Variants in GRID2 observed in about 807,000 individuals in gnomAD.
The protein encoded by GRID2 is glutamate ionotropic receptor delta type subunit 2, also known as glutamate receptor ionotropic, delta-2.
GRID2 carries 33 observed loss-of-function variants against 114.8 expected under a neutral mutation model. The observed-to-expected ratio is 0.29, with a 90% CI of 0.22 to 0.38. The LOEUF (loss-of-function observed/expected upper bound fraction) is 0.38. GRID2 is among the 10% of genes least tolerant of loss of function. The probability of loss-of-function intolerance (pLI) is 1.00; values close to 1 mark genes in which losing one functional copy is unlikely to be tolerated. For synonymous variants in GRID2, 505 were observed against 449.9 expected (o/e 1.12, Z -1.55); for missense variants, 1,184 against 1,257.7 (o/e 0.94, Z 0.89).
intron 2 of GRID2, among the ~76,000 whole-genome samples, chr4:92,734,560 A>C (rs535411048): frequency 7.2e-5 from 11 of 152,246 alleles, no homozygotes; most frequent in African/African-American, 2.2e-4. Context: ...CTGGGATTAC[A>C]GGCATGAACC....
At chr4:92,530,060 T>G (rs2149149184) in intron 1 of GRID2, among the ~76,000 whole-genome samples, 1 of 151,252 alleles carries the variant, frequency 6.6e-6, no homozygotes, top group South Asian at 2.1e-4. Flanking sequence ...TTTTTTTTTT[T>G]GAATAAATAA....
intron 11 of GRID2, among the ~76,000 whole-genome samples, chr4:93,482,463 A>ATAAGTTCT (rs1560666576): frequency 6.6e-6 from 1 of 151,948 alleles, no homozygotes; most frequent in Non-Finnish European, 1.5e-5. Flanking sequence ...ACATGTTCTC[A>ATAAGTTCT]CTCATAAGTG....
intron 2 of GRID2, among the ~76,000 whole-genome samples, chr4:92,740,365 G>A (rs1736813575): frequency 6.6e-6 from 1 of 152,138 alleles, no homozygotes. Context: ...GTTTCTTCAT[G>A]CATGTCAGTG....
At chr4:93,076,070 T>C (rs1729263151) in intron 2 of GRID2, among the ~76,000 whole-genome samples, 2 of 151,782 alleles carry the variant, frequency 1.3e-5, no homozygotes, top group African/African-American at 2.4e-5. Context: ...CGCCAGCTAA[T>C]TTTTTGTATT....
intron 2 of GRID2, among the ~76,000 whole-genome samples, chr4:92,659,881 G>C (rs1732438312): frequency 6.6e-6 from 1 of 151,428 alleles, no homozygotes; most frequent in East Asian, 1.9e-4. Flanking sequence ...TTTTTCTTTA[G>C]TTAGTACATT....
At chr4:93,702,557 T>C (rs1727606957) in intron 14 of GRID2, among the ~76,000 whole-genome samples, 1 of 152,116 alleles carries the variant, frequency 6.6e-6, no homozygotes, top group African/African-American at 2.4e-5. Context: ...ATTGTACATA[T>C]CTCCTTTGGC....
intron 9 of GRID2, among the ~76,000 whole-genome samples, chr4:93,405,313 C>T (rs1227920767): frequency 6.6e-6 from 1 of 152,130 alleles, no homozygotes; most frequent in Non-Finnish European, 1.5e-5. Context: ...AATAAAATCA[C>T]CATAAGAATT....
chr4:92,866,836 C>A (rs1417944222), intron 2 of GRID2, among the ~76,000 whole-genome samples: 2 of 152,226 alleles, frequency 1.3e-5, no homozygotes, highest in Non-Finnish European at 2.9e-5. Flanking sequence ...TAGGCGTGAG[C>A]CACCGCTCCC....
chr4:93,124,566 T>A (rs1286933471), intron 4 of GRID2, among the ~76,000 whole-genome samples: 1 of 152,220 alleles, frequency 6.6e-6, no homozygotes, highest in African/African-American at 2.4e-5. Context: ...AGTCCGAACC[T>A]ATTTGCCAAT....
At chr4:93,150,415 G>A (rs56019979) in intron 4 of GRID2, among the ~76,000 whole-genome samples, 11,414 of 152,078 alleles carry the variant, frequency 0.075, 469 homozygotes, top group East Asian at 0.17. Context: ...CAGGTAGCAC[G>A]GGAATAAGGA....
intron 14 of GRID2, among the ~76,000 whole-genome samples, chr4:93,720,403 G>A (rs2110192316): frequency 6.6e-6 from 1 of 152,256 alleles, no homozygotes; most frequent in South Asian, 2.1e-4. Context: ...TGTAGAGTTT[G>A]CTCATTTAAT....
intron 1 of GRID2, among the ~76,000 whole-genome samples, chr4:92,407,402 T>C (rs761996742): frequency 6.6e-5 from 10 of 152,214 alleles, no homozygotes; most frequent in African/African-American, 2.2e-4. Context: ...TATAGGTGCG[T>C]AGGTCTTTTT....
At chr4:92,919,986 GTC>G (rs1749172102) in intron 2 of GRID2, among the ~76,000 whole-genome samples, 1 of 152,162 alleles carries the variant, frequency 6.6e-6, no homozygotes, top group South Asian at 2.1e-4. Flanking sequence ...GGGAGTGTAA[GTC>G]TCTTTGTAGG....
intron 10 of GRID2, among the ~76,000 whole-genome samples, chr4:93,428,152 T>A (rs939962389): frequency 2.6e-5 from 4 of 152,080 alleles, no homozygotes; most frequent in African/African-American, 9.7e-5. Context: ...TTTAGGGGTA[T>A]TAGAAGACTT....
intron 1 of GRID2, among the ~76,000 whole-genome samples, chr4:92,449,237 ACT>A (rs1374061153): frequency 6.6e-6 from 1 of 151,998 alleles, no homozygotes; most frequent in African/African-American, 2.4e-5. Flanking sequence ...TATTAAAGAG[ACT>A]CAACATTTTT....
chr4:93,470,337 T>C (rs1279888295), intron 11 of GRID2, among the ~76,000 whole-genome samples: 2 of 152,070 alleles, frequency 1.3e-5, no homozygotes, highest in Non-Finnish European at 2.9e-5. Flanking sequence ...TAAAAGGCAA[T>C]TTAACATGCA....
intron 1 of GRID2, among the ~76,000 whole-genome samples, chr4:92,517,720 A>G (rs1301120554): frequency 6.6e-6 from 1 of 151,922 alleles, no homozygotes; most frequent in African/African-American, 2.4e-5. Context: ...CAATTTTTAA[A>G]AATTTCTGGA....
intron 2 of GRID2, among the ~76,000 whole-genome samples, chr4:92,686,364 T>C (rs1303502576): frequency 6.6e-6 from 1 of 152,074 alleles, no homozygotes; most frequent in Non-Finnish European, 1.5e-5. Context: ...ATGTGGGAAT[T>C]TTCTAGTTTT....
chr4:92,340,620 T>C (rs1200841012), intron 1 of GRID2, among the ~76,000 whole-genome samples: 2 of 152,192 alleles, frequency 1.3e-5, no homozygotes, highest in East Asian at 1.9e-4. Flanking sequence ...TGTAAATAAA[T>C]AGTTCTCTGA....
Sources: allele counts gnomAD v4.1 joint callset (sites outside exome capture counted in the v4.1 genomes callset), GRCh38; gene constraint gnomAD v4.1.1; transcripts MANE v1.5; gene names NCBI Gene and HGNC (gene_info 2026-07-23, HGNC 2026-07-21).